The following SLC47A1 variants were observed in gnomAD, a reference collection of about 807,000 sequenced individuals.
SLC47A1 encodes solute carrier family 47 member 1.
In SLC47A1, 58 loss-of-function variants were observed where a neutral mutation model predicts 65.8. The ratio of observed to expected loss-of-function variants is 0.88; its 90% CI spans 0.71 to 1.10. The LOEUF (loss-of-function observed/expected upper bound fraction) is 1.10. Among genes scored for constraint, SLC47A1 ranks in the 50% least tolerant of loss-of-function variants. SLC47A1 has a pLI of 0.00. For synonymous variants in SLC47A1, 285 were observed against 295.0 expected (o/e 0.97, Z 0.35); for missense variants, 706 against 719.2 (o/e 0.98, Z 0.21).
In SLC47A1 at chr17:19,555,799, G is replaced by A. The variant is rs1405096529; in HGVS notation, c.743G>A (p.Trp248Ter). The change falls in exon 9 of 17, where the codon TGG (tryptophan) becomes TAG (stop). Residue 248 changes from tryptophan to a stop codon, truncating the protein, a stop_gained. Coordinates refer to ENST00000270570, the MANE Select transcript of SLC47A1 (RefSeq NM_018242.3). LOFTEE classifies it high-confidence loss of function. The stretch of plus-strand genomic sequence containing the variant: ...AATGTGTGTGTCCCCCCCACAGGCT[G>A]GTCCCTCGAGTGCCTGCAGGACTGG... Reference protein sequence around the residue: ...KKLHQATWGGWSLECLQDWAS... With the variant: ...KKLHQATWGG The A allele has an allele frequency of 6.2e-7, 1 of 1,613,486 alleles. No individual in the cohort carries two copies.
chr17:19,559,955 G>A (rs2084294276), intron 10 of SLC47A1, among the ~76,000 whole-genome samples: 1 of 152,168 alleles, frequency 6.6e-6, no homozygotes, highest in Non-Finnish European at 1.5e-5. Flanking sequence ...ATGTCGCAGA[G>A]GTTGGAAGCT....
chr17:19,539,031 C>G (rs760832819), intron 1 of SLC47A1, among the ~76,000 whole-genome samples: 12 of 151,958 alleles, frequency 7.9e-5, no homozygotes, highest in Non-Finnish European at 1.6e-4. Context: ...GCTTCAGGCT[C>G]CTGAGTGGCT....
At chr17:19,540,665 C>T (rs1783688480) in intron 1 of SLC47A1, among the ~76,000 whole-genome samples, 1 of 152,132 alleles carries the variant, frequency 6.6e-6, no homozygotes, top group Non-Finnish European at 1.5e-5. Context: ...ACACCTCCAC[C>T]CCACCCCCTT....
intron 2 of SLC47A1, among the ~76,000 whole-genome samples, chr17:19,544,312 T>G (rs1916230555): frequency 6.6e-6 from 1 of 152,228 alleles, no homozygotes. Context: ...ATTTTGTTTT[T>G]AAGTATTGTA....
chr17:19,539,943 C>T (rs749941802), intron 1 of SLC47A1, among the ~76,000 whole-genome samples: 4 of 152,164 alleles, frequency 2.6e-5, no homozygotes, highest in African/African-American at 7.2e-5. Context: ...ATCCCTGGCA[C>T]GGACTTTCAG....
intron 2 of SLC47A1, among the ~76,000 whole-genome samples, chr17:19,543,300 G>A (rs959010416): frequency 4.6e-5 from 7 of 151,812 alleles, no homozygotes; most frequent in African/African-American, 1.7e-4. Context: ...AGTAGAGACG[G>A]GGTTTCACCA....
At chr17:19,562,291 G>A (rs560838262) in intron 12 of SLC47A1, among the ~76,000 whole-genome samples, 3 of 152,202 alleles carry the variant, frequency 2.0e-5, no homozygotes, top group East Asian at 3.9e-4. Context: ...GGCCAGGCAC[G>A]GTGGCTCACT....
chr17:19,534,313 T>C, intron 1 of SLC47A1: 1 of 453,406 alleles, frequency 2.2e-6, no homozygotes, highest in East Asian at 3.9e-5. Flanking sequence ...GAACGGCTGG[T>C]ACGCGCCCGG....
chr17:19,550,113 T>G (rs1361517317), intron 5 of SLC47A1, among the ~76,000 whole-genome samples: 2 of 152,062 alleles, frequency 1.3e-5, no homozygotes, highest in African/African-American at 4.8e-5. Flanking sequence ...GCTAAGTGGT[T>G]TTTTTGTTTG....
At position 19,577,848 on chromosome 17, in the gene SLC47A1, A is replaced by G. The variant is rs7225817; in HGVS notation, c.*295A>G. 0.022 allele frequency: 28,073 copies of G among 1,272,540 alleles called. 2,408 individuals carry two copies. The African/African-American group carries it at 0.24, about 11-fold the overall frequency. 78.8% of individuals were successfully genotyped at this position (1,272,540 alleles called of 1,614,324 possible). A position where few individuals can be genotyped will look rare whatever the true frequency, so the allele number is the denominator to read the frequency against. ...GGCCAATGGCTTTGATACTTCTGCTATTTTTTTAGACACAAACCCATAAAC... is the reference window on the plus strand; with the variant it reads ...GGCCAATGGCTTTGATACTTCTGCTGTTTTTTTAGACACAAACCCATAAAC... On this transcript the variant is annotated 3_prime_UTR_variant, in exon 17 of 17. Coordinates refer to ENST00000270570, the MANE Select transcript of SLC47A1 (RefSeq NM_018242.3).
chr17:19,555,084 G>T (rs1916563992), intron 6 of SLC47A1, 128 bp from the exon 7 acceptor site: 6 of 794,564 alleles, frequency 7.6e-6, no homozygotes, highest in Non-Finnish European at 1.3e-5. Context: ...GACCTCCCCA[G>T]TTAAGCCCCC....
chr17:19,534,756 T>TA (rs1452171193), intron 1 of SLC47A1: 1 of 152,224 alleles, frequency 6.6e-6, no homozygotes, highest in Non-Finnish European at 1.5e-5. Context: ...GAGGTGTTCT[T>TA]ATCTGTGGGA....
At chr17:19,546,557 G>GTAGA in intron 3 of SLC47A1, 54 bp downstream of exon 3, 7 of 1,554,808 alleles carry the variant, frequency 4.5e-6, no homozygotes, top group Non-Finnish European at 6.2e-6. Flanking sequence ...TTTCTCAAGT[G>GTAGA]TAGATGGAAG....
At chr17:19,553,530 T>C (rs1177930843) in intron 6 of SLC47A1, among the ~76,000 whole-genome samples, 2 of 141,086 alleles carry the variant, frequency 1.4e-5, no homozygotes, top group African/African-American at 2.6e-5. Context: ...ACCACCTGAA[T>C]TCATTTCTTT....
intron 1 of SLC47A1, among the ~76,000 whole-genome samples, chr17:19,541,349 C>A (rs562275177): frequency 6.6e-6 from 1 of 152,276 alleles, no homozygotes; most frequent in African/African-American, 2.4e-5. Flanking sequence ...GGCCGTGTAG[C>A]CTGCCAGGGG....
At chr17:19,549,373 A>G (rs547141496) in intron 4 of SLC47A1, among the ~76,000 whole-genome samples, 156 of 152,010 alleles carry the variant, frequency 1.0e-3, no homozygotes, top group Middle Eastern at 3.4e-3. Flanking sequence ...TAATATTTGT[A>G]TTTTTAGTAG....
chr17:19,563,157 G>A (rs185007386), intron 12 of SLC47A1, among the ~76,000 whole-genome samples: 2,054 of 116,490 alleles, frequency 0.018, 31 homozygotes, highest in Middle Eastern at 0.039. Context: ...TTTTTTGACG[G>A]AGCCTCCCTC....
Position 19,542,506 on chromosome 17 carries a change from C to CT in SLC47A1, c.237+15dup, listed in dbSNP as rs1293278168. 1 of 1,596,702 alleles carries CT rather than the reference C, an allele frequency of 6.3e-7. No homozygotes were observed. The highest frequency in any genetic ancestry group is 1.3e-5 in the African/African-American group (1 of 74,080). ...CGCTGGCAATCGCGGTACGTGTGGG[C>CT]TTTCTGGCAGGTTTACCAACACTGT... On this transcript the variant is annotated intron_variant, in intron 2 of 16. Transcript: ENST00000270570.
intron 4 of SLC47A1, among the ~76,000 whole-genome samples, chr17:19,548,982 C>T (rs1265384915): frequency 2.0e-5 from 3 of 152,094 alleles, no homozygotes; most frequent in African/African-American, 7.2e-5. Context: ...CTGGTTATCA[C>T]AGCTGGCAGT....
Sources: allele counts gnomAD v4.1 joint callset (sites outside exome capture counted in the v4.1 genomes callset), GRCh38; gene constraint gnomAD v4.1.1; transcripts MANE v1.5; gene names NCBI Gene and HGNC (gene_info 2026-07-23, HGNC 2026-07-21).